Variants in DBN1 observed in about 807,000 individuals in gnomAD.
DBN1 encodes the protein drebrin 1, also known as drebrin.
In DBN1, 21 loss-of-function variants were observed where a neutral mutation model predicts 83.5. The ratio of observed to expected loss-of-function variants is 0.25; its 90% CI spans 0.18 to 0.36. The LOEUF (loss-of-function observed/expected upper bound fraction) is 0.36. Ranked by LOEUF, DBN1 falls within the 10% of genes least tolerant of loss-of-function variation. The pLI is 1.00. For synonymous variants in DBN1, 381 were observed against 384.9 expected (o/e 0.99, Z 0.12); for missense variants, 874 against 935.7 (o/e 0.93, Z 0.86).
At chr5:177,468,372 G>C (rs892925155) in intron 2 of DBN1, 152 bp from the exon 3 acceptor site, 52 of 659,380 alleles carry the variant, frequency 7.9e-5, no homozygotes, top group Non-Finnish European at 1.2e-4. Context: ...TTTTGTGTTG[G>C]TATGTGTGGG....
rs1402680429 is a variant in DBN1, at chr5:177,459,733, C to T, written c.963G>A (p.Pro321=). The T allele has an allele frequency of 9.2e-6, 14 of 1,522,498 alleles. No individual in the cohort carries two copies. Among genetic ancestry groups the T allele is most frequent in the Non-Finnish European group, 1.1e-5 (13 of 1,134,546 alleles). The allele number at this position is 1,522,498 out of a possible 1,614,324, so 94.3% of individuals were successfully genotyped here. A position where few individuals can be genotyped will look rare whatever the true frequency, so the allele number is the denominator to read the frequency against. The part of the protein sequence containing the change: ...PSPFNHRPGR[P]YCPFIKASDS... ...CCGATGCCTTTATGAAAGGGCAGTA[C>T]GGACGACCTGCCGAGAGAGACAGAC... The change falls in exon 11 of 15, where the codon CCG becomes CCA. Residue 321 remains proline, a synonymous_variant. Coordinates refer to ENST00000393565, the MANE Select transcript of DBN1 (RefSeq NM_001363541.2).
chr5:177,460,077 T>A (rs1756902787), intron 10 of DBN1, among the ~76,000 whole-genome samples: 1 of 152,030 alleles, frequency 6.6e-6, no homozygotes, highest in African/African-American at 2.4e-5. Flanking sequence ...TCCGGGAGGC[T>A]CCCTCAGGCC....
In DBN1 at chr5:177,458,798, G is replaced by A. The variant is rs1039529078; in HGVS notation, c.1265-91C>T. On this transcript the variant is annotated intron_variant, in intron 12 of 14. Coordinates refer to ENST00000393565, the MANE Select transcript of DBN1 (RefSeq NM_001363541.2). ...ACCCACTAAGGAGTGAGGGAGCCAGGGACTTCCATGCAGGTGTCCCACTGC... is the reference window on the plus strand; with the variant it reads ...ACCCACTAAGGAGTGAGGGAGCCAGAGACTTCCATGCAGGTGTCCCACTGC... 2.4e-6 allele frequency: 3 copies of A among 1,273,678 alleles called. No individual in the cohort carries two copies. In the Admixed American group the frequency reaches 8.8e-5, roughly 38 times the overall value. 78.9% of individuals were successfully genotyped at this position (1,273,678 alleles called of 1,614,324 possible). A position where few individuals can be genotyped will look rare whatever the true frequency, so the allele number is the denominator to read the frequency against.
intron 1 of DBN1, chr5:177,472,921 G>A (rs1581741692): frequency 2.6e-6 from 2 of 776,868 alleles, no homozygotes; most frequent in African/African-American, 1.9e-5. Context: ...GGGGCGCCCG[G>A]CCCCCAGCCC....
At chr5:177,471,258 C>T (rs559691861) in intron 1 of DBN1, among the ~76,000 whole-genome samples, 2 of 152,144 alleles carry the variant, frequency 1.3e-5, no homozygotes, top group South Asian at 2.1e-4. Context: ...CTTCAGTATC[C>T]GAGGTAGTGC....
chr5:177,460,747 G>A (rs1756970547), intron 8 of DBN1, 44 bp from the exon 9 acceptor site: 2 of 1,595,866 alleles, frequency 1.3e-6, no homozygotes, highest in Non-Finnish European at 1.7e-6. Flanking sequence ...ACCCCCCACA[G>A]GGGCTTTTGG....
chr5:177,472,444 CTG>C, intron 1 of DBN1: 1 of 1,344,224 alleles, frequency 7.4e-7, no homozygotes, highest in South Asian at 1.8e-5. Context: ...CAGGATGGGG[CTG>C]TGAGGAACCC....
In DBN1 at chr5:177,459,102, G is replaced by A; in HGVS notation, c.1260C>T (p.Ala420=). 1 of 1,607,408 alleles carries A rather than the reference G, an allele frequency of 6.2e-7. No individual in the cohort carries two copies. The change falls in exon 12 of 15, where the codon GCC becomes GCT. Residue 420 remains alanine, a synonymous_variant. Transcript: ENST00000393565. ...PPPLPPPPPP[A]QETQEPSPIL... The stretch of plus-strand genomic sequence containing the variant: ...CAGGTAGCATCCCTCTCTCACCTTG[G>A]GCTGGTGGGGGTGGCGGTGGCAGTG...
rs558052711 is a variant in DBN1, at chr5:177,461,350, G to A, written c.772-647C>T. 3.1e-4 allele frequency among the ~76,000 whole-genome samples: 47 copies of A among 151,756 alleles called. No homozygotes were observed. In the South Asian group the frequency reaches 3.8e-3, roughly 12 times the overall value. On this transcript the variant is annotated intron_variant, in intron 8 of 14. Coordinates refer to ENST00000393565, the MANE Select transcript of DBN1 (RefSeq NM_001363541.2). ...CCTGACCTCGTGATCCGCCCGCCTC[G>A]GCCTCCCAAAGTGCTGGGATTACAG...
intron 3 of DBN1, 70 bp downstream of exon 3, chr5:177,468,037 GC>G (rs1757587487): frequency 1.5e-6 from 1 of 682,350 alleles, no homozygotes; most frequent in African/African-American, 1.9e-5. Flanking sequence ...CCCTTCCCCA[GC>G]CCCGGCCGCA....
At position 177,468,196 on chromosome 5, in the gene DBN1, C is replaced by T. The variant is rs1157123158; in HGVS notation, c.167G>A (p.Gly56Glu). 1 of 1,614,168 alleles carries T rather than the reference C, an allele frequency of 6.2e-7. No homozygotes were observed. The highest frequency in any genetic ancestry group is 8.5e-7 in the Non-Finnish European group (1 of 1,180,018). The change falls in exon 3 of 15, where the codon GGA (glycine) becomes GAA (glutamate). Residue 56 changes from glycine to glutamate, a missense_variant. Gly to Glu is a moderately conservative substitution (Grantham distance 98, BLOSUM62 -2). This residue lies in a region of DBN1 where 82 missense variants were observed against 101.7 expected (regional missense o/e 0.81). Coordinates refer to ENST00000393565, the MANE Select transcript of DBN1 (RefSeq NM_001363541.2). ...CATCACCTTCTGGTTCTCAAAGTGT[C>T]CCGAAAGCTCCTGCAAGCCCCCTTC... is the stretch of plus-strand genomic sequence containing the variant. The part of the protein sequence containing the change: ...SGEGGLQELS[G>E]HFENQKVMYG...
At chr5:177,459,813 C>T (rs1260574215) in intron 10 of DBN1, 73 bp from the exon 11 acceptor site, 12 of 1,380,682 alleles carry the variant, frequency 8.7e-6, no homozygotes, top group Non-Finnish European at 1.0e-5. Flanking sequence ...CTGCCCGAGG[C>T]CTCTCCCGCC....
At chr5:177,465,704 A>C (rs1279272629) in intron 8 of DBN1, among the ~76,000 whole-genome samples, 4 of 152,048 alleles carry the variant, frequency 2.6e-5, no homozygotes. Context: ...AAAACACAAA[A>C]ATTAGCTAGG....
intron 1 of DBN1, chr5:177,472,908 G>C (rs1757952927): frequency 1.1e-6 from 1 of 915,044 alleles, no homozygotes; most frequent in East Asian, 1.2e-4. Flanking sequence ...CCCCCCGGTG[G>C]GCGGGGCGCC....
At chr5:177,460,407 G>A (rs778917014) in intron 10 of DBN1, 25 bp downstream of exon 10, 1 of 1,612,720 alleles carries the variant, frequency 6.2e-7, no homozygotes, top group South Asian at 1.1e-5. Context: ...AGTGGGGCCG[G>A]ACGGGGGGTG....
rs1353311676 is a variant in DBN1 at position 177,467,788 on chromosome 5, C to T, written c.285G>A (p.Lys95=). 1 of 1,557,788 alleles carries T rather than the reference C, an allele frequency of 6.4e-7. No homozygotes were observed. The highest frequency in any genetic ancestry group is 1.2e-5 in the South Asian group (1 of 85,212). ...WVGEDVPDAR[K]CACASHVAKV... ...TAGCCACGTGGCTGGCACAAGCGCACTTGCGGGCATCAGGCACATCTTCGC... is the reference window on the plus strand; with the variant it reads ...TAGCCACGTGGCTGGCACAAGCGCATTTGCGGGCATCAGGCACATCTTCGC... The change falls in exon 4 of 15, where the codon AAG becomes AAA. Residue 95 remains lysine (K), a synonymous_variant. Coordinates refer to ENST00000393565, the MANE Select transcript of DBN1 (RefSeq NM_001363541.2). The surrounding 1 kb of genome is among the most constrained non-coding windows in gnomAD (Gnocchi z 9.1).
At chr5:177,462,418 G>A (rs1314701023) in intron 8 of DBN1, 1 of 985,268 alleles carries the variant, frequency 1.0e-6, no homozygotes, top group Non-Finnish European at 1.2e-6. Context: ...AAGGACCTCT[G>A]AACAAGAGGC....
intron 3 of DBN1, 100 bp downstream of exon 3, chr5:177,468,007 GC>G: frequency 4.3e-6 from 3 of 691,344 alleles, no homozygotes; most frequent in Non-Finnish European, 7.3e-6. Flanking sequence ...CAGTTGATGA[GC>G]AGCTCTGGGC....
intron 1 of DBN1, chr5:177,472,002 C>T: frequency 2.5e-6 from 3 of 1,210,562 alleles, no homozygotes; most frequent in East Asian, 5.7e-5. Flanking sequence ...CTTCACCAGG[C>T]CAAGCCGGCC....
Sources: gnomAD v4.1 joint callset for allele counts (sites outside exome capture counted in the v4.1 genomes callset) on GRCh38, gnomAD v4.1.1 for gene constraint, gnomAD v4.1.1 regional missense constraint, Gnocchi (gnomAD v3.1) non-coding constraint, MANE v1.5 for transcripts, NCBI Gene and HGNC (gene_info 2026-07-23, HGNC 2026-07-21) for gene names.